Variants in ZNF280D observed in about 807,000 individuals in gnomAD.
ZNF280D encodes the protein zinc finger protein 280D.
In ZNF280D, 39 loss-of-function variants were observed where a neutral mutation model predicts 94.7. The observed-to-expected ratio is 0.41, with a 90% CI of 0.32 to 0.54. ZNF280D has a LOEUF of 0.54. ZNF280D is among the 20% of genes least tolerant of loss of function. The pLI, the probability that ZNF280D is intolerant of heterozygous loss-of-function variation, is 0.22. For missense variants in ZNF280D, 1,090 were observed against 1,149.3 expected (o/e 0.95, Z 0.75); for synonymous variants, 398 against 377.6 (o/e 1.05, Z -0.63).
chr15:56,686,241 C>A (rs547211616), intron 9 of ZNF280D, among the ~76,000 whole-genome samples: 1 of 152,152 alleles, frequency 6.6e-6, no homozygotes, highest in Non-Finnish European at 1.5e-5. Flanking sequence ...CAGGTTCAAG[C>A]GATTCTCTCG....
At chr15:56,713,776 A>G (rs1384148212) in intron 1 of ZNF280D, among the ~76,000 whole-genome samples, 5 of 152,202 alleles carry the variant, frequency 3.3e-5, no homozygotes, top group Non-Finnish European at 7.4e-5. Context: ...TTGAGTAAAA[A>G]GAGCAATTTT....
intron 19 of ZNF280D, among the ~76,000 whole-genome samples, chr15:56,649,494 G>A (rs1349544726): frequency 6.6e-6 from 1 of 152,076 alleles, no homozygotes; most frequent in South Asian, 2.1e-4. Flanking sequence ...CTAAAGATCG[G>A]TTTGAGATAT....
intron 4 of ZNF280D, among the ~76,000 whole-genome samples, chr15:56,701,821 T>C (rs998892539): frequency 7.2e-5 from 11 of 152,190 alleles, no homozygotes; most frequent in Non-Finnish European, 8.8e-5. Flanking sequence ...CAATAGTTCA[T>C]CATAGCATTT....
In ZNF280D at chr15:56,654,500, G is replaced by T; in HGVS notation, c.2061C>A (p.Gly687=). 1 of 1,565,336 alleles carries T rather than the reference G, an allele frequency of 6.4e-7. No individual in the cohort carries two copies. Among genetic ancestry groups the T allele is most frequent in the Non-Finnish European group, 8.6e-7 (1 of 1,163,806 alleles). ...CACAATTAAGGCACACTAGAGTAAT[G>T]CCCCTAAAAAAAAAAGCATTAAAAA... is the stretch of plus-strand genomic sequence containing the variant. ...IFKKHSENLR[G]ITLVCLNCDF... is the part of the protein sequence containing the mutation. The change falls in exon 18 of 22, where the codon GGC becomes GGA. Residue 687 remains glycine (G), a synonymous_variant. Transcript: ENST00000267807.
intron 6 of ZNF280D, chr15:56,700,164 A>G: frequency 5.1e-6 from 5 of 977,822 alleles, no homozygotes; most frequent in Non-Finnish European, 6.1e-6. Context: ...CAATTCTTTC[A>G]TGTCTAAAAA....
intron 6 of ZNF280D, among the ~76,000 whole-genome samples, chr15:56,694,721 T>C (rs2056643883): frequency 6.6e-6 from 1 of 152,062 alleles, no homozygotes; most frequent in Non-Finnish European, 1.5e-5. Context: ...AAAGAATGAA[T>C]AACTAGAAAA....
At chr15:56,683,343 G>A (rs2055769298) in intron 9 of ZNF280D, among the ~76,000 whole-genome samples, 1 of 151,946 alleles carries the variant, frequency 6.6e-6, no homozygotes, top group Admixed American at 6.6e-5. Context: ...TAAGAGATGA[G>A]AACCAAGCTT....
chr15:56,670,067 CAT>C (rs201081844), intron 13 of ZNF280D, among the ~76,000 whole-genome samples: 20,300 of 42,540 alleles, frequency 0.48, 5,537 homozygotes, highest in Admixed American at 0.68. Context: ...TGTTGTTTTA[CAT>C]ATATATATAT....
chr15:56,722,107 A>C (rs2058398988), intron 1 of ZNF280D, among the ~76,000 whole-genome samples: 1 of 152,188 alleles, frequency 6.6e-6, no homozygotes, highest in African/African-American at 2.4e-5. Flanking sequence ...ACTAGGGAAG[A>C]GCTGGCTGGT....
intron 20 of ZNF280D, among the ~76,000 whole-genome samples, chr15:56,640,085 A>G (rs2052554692): frequency 6.6e-6 from 1 of 152,188 alleles, no homozygotes; most frequent in Admixed American, 6.5e-5. Context: ...AGTAAAAAAG[A>G]TACATATTTT....
intron 14 of ZNF280D, among the ~76,000 whole-genome samples, chr15:56,667,215 C>T (rs930877061): frequency 2.6e-5 from 4 of 152,074 alleles, no homozygotes; most frequent in Non-Finnish European, 5.9e-5. Flanking sequence ...TATGTTAACA[C>T]AGTTATCAGT....
chr15:56,701,742 A>G (rs1275574928), intron 4 of ZNF280D, among the ~76,000 whole-genome samples: 3 of 152,064 alleles, frequency 2.0e-5, no homozygotes, highest in African/African-American at 7.2e-5. Context: ...AGAAAATCTC[A>G]TCGGATTATC....
intron 10 of ZNF280D, 136 bp from the exon 11 acceptor site, chr15:56,678,957 G>T (rs1028688555): frequency 1.4e-6 from 1 of 740,260 alleles, no homozygotes; most frequent in Non-Finnish European, 2.0e-6. Flanking sequence ...AGTTGCCTAG[G>T]AAAGTATGCA....
intron 1 of ZNF280D, among the ~76,000 whole-genome samples, chr15:56,733,230 C>T (rs1164177343): frequency 6.6e-6 from 1 of 152,172 alleles, no homozygotes; most frequent in Non-Finnish European, 1.5e-5. Context: ...GCCGAGGCGG[C>T]TGCCGCGTCG....
chr15:56,672,376 G>C (rs1242919900), intron 13 of ZNF280D, among the ~76,000 whole-genome samples: 1 of 152,034 alleles, frequency 6.6e-6, no homozygotes, highest in Non-Finnish European at 1.5e-5. Flanking sequence ...TTTATTGAGA[G>C]TTTTTAACAT....
chr15:56,647,436 T>C (rs2052958655), intron 19 of ZNF280D, among the ~76,000 whole-genome samples: 1 of 152,206 alleles, frequency 6.6e-6, no homozygotes, highest in South Asian at 2.1e-4. Flanking sequence ...CATATTGGAT[T>C]TGTGGTGCTT....
At chr15:56,651,442 T>TA (rs1485840911) in intron 19 of ZNF280D, among the ~76,000 whole-genome samples, 3 of 152,218 alleles carry the variant, frequency 2.0e-5, no homozygotes, top group Non-Finnish European at 4.4e-5. Flanking sequence ...GCAAACTTTG[T>TA]ACTGACTGCC....
intron 1 of ZNF280D, among the ~76,000 whole-genome samples, chr15:56,714,880 C>G (rs1468329352): frequency 2.6e-5 from 4 of 151,942 alleles, no homozygotes; most frequent in African/African-American, 7.2e-5. Context: ...CTTTCTAATG[C>G]AAGATGCAAA....
At chr15:56,653,489 T>C (rs545789059) in intron 19 of ZNF280D, 1 of 1,514,026 alleles carries the variant, frequency 6.6e-7, no homozygotes, top group African/African-American at 1.4e-5. Flanking sequence ...CACAGTCAAA[T>C]TATTCACATT....
Sources: gnomAD v4.1 joint callset for allele counts (sites outside exome capture counted in the v4.1 genomes callset) on GRCh38, gnomAD v4.1.1 for gene constraint, MANE v1.5 for transcripts, NCBI Gene and HGNC (gene_info 2026-07-23, HGNC 2026-07-21) for gene names.